Variants in NADK observed in about 807,000 individuals in gnomAD.
The protein encoded by NADK is NAD kinase.
Under a neutral mutation model 49.8 loss-of-function variants are expected in NADK, and 22 were observed. That is an observed-to-expected ratio of 0.44 (90% CI 0.32 to 0.63). The LOEUF is 0.63. Ranked by LOEUF, NADK falls within the 30% of genes least tolerant of loss-of-function variation. NADK has a pLI of 0.06. For synonymous variants in NADK, 268 were observed against 253.7 expected (o/e 1.06, Z -0.54); for missense variants, 438 against 609.4 (o/e 0.72, Z 2.96).
intron 11 of NADK, among the ~76,000 whole-genome samples, chr1:1,753,333 C>G (rs564926735): frequency 4.0e-4 from 61 of 152,254 alleles, no homozygotes; most frequent in African/African-American, 1.4e-3. Context: ...GGCAGCAGTG[C>G]CAGGGGGGAC....
At position 1,761,968 on chromosome 1, in the gene NADK, T is replaced by G; in HGVS notation, c.247A>C (p.Asn83His). The G allele has an allele frequency of 1.9e-6, 3 of 1,614,048 alleles. No individual in the cohort carries two copies. The South Asian group carries it at 3.3e-5, about 18-fold the overall frequency. ...TFGPKACVLQ[N>H]PQTIMHIQDP... is the part of the protein sequence containing the mutation. ...AGCACTCACATGATGGTCTGGGGGT[T>G]CTGCAGCACACAGGCCTTTGGTCCA... Residue 83 changes from asparagine to histidine, a missense_variant, in exon 3 of 12, where the codon AAC (asparagine) becomes CAC (histidine). Physicochemically the swap from Asn to His is moderately conservative, Grantham distance 68. Coordinates refer to ENST00000341426, the MANE Select transcript of NADK (RefSeq NM_023018.5).
In NADK at chr1:1,755,369, C is replaced by T. The variant is rs1450441001; in HGVS notation, c.688+5G>A. ...TCCTGTGGGCTCCAGAACATTCCAA[C>T]TCACCCTCTATCACCTGAGTAACTT... On this transcript the variant is annotated splice_donor_5th_base_variant and intron_variant, in intron 7 of 11. Transcript: ENST00000341426. 3.1e-6 allele frequency: 5 copies of T among 1,608,512 alleles called. No homozygotes were observed. The highest frequency in any genetic ancestry group is 1.3e-5 in the African/African-American group (1 of 74,832).
chr1:1,777,225 C>T (rs1258949497), intron 1 of NADK, among the ~76,000 whole-genome samples: 1 of 152,150 alleles, frequency 6.6e-6, no homozygotes, highest in East Asian at 1.9e-4. Flanking sequence ...CTGCAAAAGT[C>T]CCAGTGAAGT....
At chr1:1,766,582 A>G (rs1645894674) in intron 1 of NADK, among the ~76,000 whole-genome samples, 1 of 152,180 alleles carries the variant, frequency 6.6e-6, no homozygotes, top group East Asian at 1.9e-4. Context: ...CATGCCTTGC[A>G]TCGTGAATTC....
intron 3 of NADK, chr1:1,759,825 C>T: frequency 6.4e-7 from 1 of 1,552,188 alleles, no homozygotes; most frequent in Non-Finnish European, 8.7e-7. Flanking sequence ...ATGCACCTGT[C>T]CGGTGACCCC....
chr1:1,772,059 T>A (rs1243479480), intron 1 of NADK, among the ~76,000 whole-genome samples: 1 of 151,902 alleles, frequency 6.6e-6, no homozygotes, highest in African/African-American at 2.4e-5. Flanking sequence ...TCCTCCCACC[T>A]TGGCCTTCCA....
chr1:1,778,250 C>A lies in NADK; in HGVS notation c.-41+39G>T, dbSNP rs577073869. 2.6e-5 allele frequency: 4 copies of A among 152,116 alleles called. No homozygotes were observed. In the East Asian group the frequency reaches 7.7e-4, roughly 29 times the overall value. The allele number at this position is 152,116 out of a possible 1,614,324, so 9.4% of individuals were successfully genotyped here. A position where few individuals can be genotyped will look rare whatever the true frequency, so the allele number is the denominator to read the frequency against. ...GGCAGCGATGACCCCAGGCAGCGGG[C>A]GACCCCAGGCGGACGGCAGGCCGGG... On this transcript the variant is annotated intron_variant, in intron 1 of 11. Coordinates refer to ENST00000341426, the MANE Select transcript of NADK (RefSeq NM_023018.5). The surrounding 1 kb of genome is among the most constrained non-coding windows in gnomAD (Gnocchi z 4.9).
chr1:1,758,417 G>A, intron 3 of NADK: 1 of 1,612,006 alleles, frequency 6.2e-7, no homozygotes, highest in East Asian at 2.2e-5. Context: ...TCCCCTATGA[G>A]CTCAGCACCT....
intron 1 of NADK, among the ~76,000 whole-genome samples, chr1:1,771,651 A>T (rs1240007624): frequency 6.6e-6 from 1 of 152,148 alleles, no homozygotes; most frequent in Non-Finnish European, 1.5e-5. Flanking sequence ...TCATCTTTTC[A>T]CCTAATAGTT....
At chr1:1,763,191 T>C (rs1002921894) in intron 2 of NADK, among the ~76,000 whole-genome samples, 28 of 152,140 alleles carry the variant, frequency 1.8e-4, no homozygotes, top group South Asian at 4.1e-4. Context: ...CTTTTAAAAA[T>C]TGGTAAGTAC....
intron 4 of NADK, 187 bp downstream of exon 4, chr1:1,756,994 G>A: frequency 2.0e-6 from 2 of 991,780 alleles, no homozygotes; most frequent in Non-Finnish European, 3.1e-6. Context: ...ACCCAGTCTG[G>A]TGCTTGCCAT....
intron 1 of NADK, among the ~76,000 whole-genome samples, chr1:1,775,215 C>T (rs1255042928): frequency 6.6e-6 from 1 of 151,918 alleles, no homozygotes; most frequent in African/African-American, 2.4e-5. Flanking sequence ...GCAAGGAAAA[C>T]ATTAAGATGC....
chr1:1,777,052 T>C (rs1034452104), intron 1 of NADK, among the ~76,000 whole-genome samples: 4 of 152,168 alleles, frequency 2.6e-5, no homozygotes, highest in African/African-American at 7.2e-5. Flanking sequence ...TAAACACGCC[T>C]GGAGGACAGA....
intron 1 of NADK, among the ~76,000 whole-genome samples, chr1:1,768,232 G>A (rs1645944703): frequency 6.6e-6 from 1 of 151,228 alleles, no homozygotes; most frequent in Non-Finnish European, 1.5e-5. Context: ...GACAGAATGA[G>A]CATCCTTGTA....
intron 2 of NADK, among the ~76,000 whole-genome samples, chr1:1,763,047 G>A (rs546025014): frequency 6.6e-6 from 1 of 152,348 alleles, no homozygotes; most frequent in East Asian, 1.9e-4. Context: ...AAATCCTCAA[G>A]TCCCAATGCA....
rs996732246 is a variant in NADK, at chr1:1,756,025, C to T, written c.585+233G>A. 1.4e-5 allele frequency: 8 copies of T among 592,518 alleles called. No homozygotes were observed. In the Admixed American group the frequency reaches 2.4e-4, roughly 17 times the overall value. 36.7% of individuals were successfully genotyped at this position (592,518 alleles called of 1,614,324 possible). On this transcript the variant is annotated intron_variant, in intron 6 of 11. Transcript: ENST00000341426. ...AGGACCCACCACCCTGCGCCACTCC[C>T]TGCTGTCCCAGGCGGGCGCTGGCCA...
intron 3 of NADK, chr1:1,759,626 T>G: frequency 8.0e-7 from 1 of 1,249,366 alleles, no homozygotes; most frequent in Non-Finnish European, 1.1e-6. Flanking sequence ...ACAGCGGGGA[T>G]GGGAAGCGGG....
At position 1,754,623 on chromosome 1, in the gene NADK, A is replaced by G. The variant is rs759176849; in HGVS notation, c.764T>C (p.Val255Ala). 1 of 1,613,922 alleles carries G rather than the reference A, an allele frequency of 6.2e-7. No homozygotes were observed. The highest frequency in any genetic ancestry group is 1.1e-5 in the South Asian group (1 of 91,068). ...VKELRGKKTA[V>A]HNGLGENGSQ... ...GCCGTTCTCACCCAGCCCATTGTGC[A>G]CGGCCGTCTTCTTCCCCCGGAGCTC... is the stretch of plus-strand genomic sequence containing the variant. Residue 255 changes from valine to alanine, a missense_variant, in exon 8 of 12, where the codon GTG becomes GCG. By Grantham distance (64) the Val-to-Ala change is moderately conservative. Coordinates refer to ENST00000341426, the MANE Select transcript of NADK (RefSeq NM_023018.5). The surrounding 1 kb of genome is among the most constrained non-coding windows in gnomAD (Gnocchi z 4.3).
At chr1:1,773,718 G>GA (rs1346971938) in intron 1 of NADK, among the ~76,000 whole-genome samples, 1 of 138,708 alleles carries the variant, frequency 7.2e-6, no homozygotes, top group Non-Finnish European at 1.6e-5. Context: ...GTGTGTGTGT[G>GA]TGTGTGTGTG....
Sources: gnomAD v4.1 joint callset for allele counts (sites outside exome capture counted in the v4.1 genomes callset) on GRCh38, gnomAD v4.1.1 for gene constraint, Gnocchi (gnomAD v3.1) non-coding constraint, MANE v1.5 for transcripts, NCBI Gene and HGNC (gene_info 2026-07-23, HGNC 2026-07-21) for gene names.